The following RAPGEF2 variants were observed in gnomAD, a reference collection of about 807,000 sequenced individuals.
RAPGEF2 encodes the protein Rap guanine nucleotide exchange factor 2.
RAPGEF2 carries 54 observed loss-of-function variants against 186.7 expected under a neutral mutation model. The observed-to-expected ratio is 0.29, with a 90% CI of 0.23 to 0.36. RAPGEF2 has a LOEUF of 0.36. RAPGEF2 is among the 10% of genes least tolerant of loss of function. The pLI is 1.00. For missense variants in RAPGEF2, 1,532 were observed against 2,045.0 expected, an observed-to-expected ratio of 0.75 and a Z score of 4.84; for synonymous variants, 712 against 705.9, an observed-to-expected ratio of 1.01 and a Z score of -0.14.
intron 1 of RAPGEF2, among the ~76,000 whole-genome samples, chr4:159,163,688 G>A (rs1744960670): frequency 6.6e-6 from 1 of 152,128 alleles, no homozygotes. Flanking sequence ...ACTTTTTCTA[G>A]TGTACTGGAA....
At chr4:159,147,861 T>C (rs1743112265) in intron 1 of RAPGEF2, among the ~76,000 whole-genome samples, 3 of 152,224 alleles carry the variant, frequency 2.0e-5, no homozygotes, top group African/African-American at 7.2e-5. Context: ...TTACAGGTAG[T>C]TGAAAGGATT....
intron 29 of RAPGEF2, 125 bp from the exon 30 acceptor site, chr4:159,357,989 G>A: frequency 1.1e-6 from 1 of 923,228 alleles, no homozygotes; most frequent in Non-Finnish European, 1.6e-6. Context: ...AGGATTCTAA[G>A]TGAGCTATAC....
chr4:159,259,049 G>T (rs1756507312), intron 7 of RAPGEF2, among the ~76,000 whole-genome samples: 1 of 152,164 alleles, frequency 6.6e-6, no homozygotes, highest in Non-Finnish European at 1.5e-5. Context: ...CTAGCCCACA[G>T]TTCAGTATTT....
intron 3 of RAPGEF2, among the ~76,000 whole-genome samples, chr4:159,209,536 G>C (rs1045250525): frequency 2.6e-5 from 4 of 152,204 alleles, no homozygotes; most frequent in African/African-American, 9.7e-5. Flanking sequence ...TATGAGACTT[G>C]AATGTAATCT....
chr4:159,296,182 C>G (rs1324214526), intron 7 of RAPGEF2, among the ~76,000 whole-genome samples: 1 of 152,100 alleles, frequency 6.6e-6, no homozygotes, highest in Non-Finnish European at 1.5e-5. Context: ...AATGAAAAAT[C>G]AGCTTCCTGA....
intron 1 of RAPGEF2, among the ~76,000 whole-genome samples, chr4:159,109,775 T>C (rs898950307): frequency 3.7e-4 from 56 of 152,130 alleles, no homozygotes. Flanking sequence ...GGACCTGAAG[T>C]GGTATTCCAG....
At chr4:159,357,053 A>C (rs780624615) in intron 29 of RAPGEF2, among the ~76,000 whole-genome samples, 1 of 152,000 alleles carries the variant, frequency 6.6e-6, no homozygotes, top group Non-Finnish European at 1.5e-5. Flanking sequence ...TGGAAATGAA[A>C]GTCTGATAAA....
chr4:159,295,581 G>A (rs938560758), intron 7 of RAPGEF2, among the ~76,000 whole-genome samples: 4 of 151,978 alleles, frequency 2.6e-5, no homozygotes, highest in African/African-American at 9.7e-5. Flanking sequence ...TACCATTTGA[G>A]GTCTCAGATA....
intron 6 of RAPGEF2, among the ~76,000 whole-genome samples, chr4:159,241,813 T>C (rs925407896): frequency 1.3e-5 from 2 of 152,186 alleles, no homozygotes; most frequent in South Asian, 2.1e-4. Flanking sequence ...AAATGACTGC[T>C]GTCATCCCTG....
At chr4:159,267,114 T>G (rs1757524712) in intron 7 of RAPGEF2, 1 of 1,222,444 alleles carries the variant, frequency 8.2e-7, no homozygotes, top group Admixed American at 2.6e-5. Flanking sequence ...GAAATCCACT[T>G]ACATCACTAG....
intron 8 of RAPGEF2, among the ~76,000 whole-genome samples, chr4:159,314,169 T>G (rs1355252553): frequency 1.3e-5 from 2 of 152,240 alleles, no homozygotes; most frequent in African/African-American, 2.4e-5. Flanking sequence ...GACTGTCTAA[T>G]TGGGGTAAAA....
intron 8 of RAPGEF2, among the ~76,000 whole-genome samples, chr4:159,307,372 T>C (rs932677087): frequency 1.3e-5 from 2 of 152,220 alleles, no homozygotes; most frequent in Admixed American, 1.3e-4. Context: ...TATATACTTT[T>C]CTCAGTTTAC....
rs74818432 is a variant in RAPGEF2 at position 159,125,942 on chromosome 4, A to G, written c.69+21711A>G. On this transcript the variant is annotated intron_variant, in intron 1 of 29. Transcript: ENST00000691494. ...CACTGACCACTCAGAATTTGGCAACAGTATCTTGCCAGTGATGTTAAGTAT... is the reference window on the plus strand; with the variant it reads ...CACTGACCACTCAGAATTTGGCAACGGTATCTTGCCAGTGATGTTAAGTAT... Among the ~76,000 whole-genome samples the G allele has an allele frequency of 1.4e-4, 21 of 152,292 alleles. No individual in the cohort carries two copies. The East Asian group carries it at 4.1e-3, about 29-fold the overall frequency.
At chr4:159,222,766 G>T (rs1199046310) in intron 4 of RAPGEF2, among the ~76,000 whole-genome samples, 1 of 152,102 alleles carries the variant, frequency 6.6e-6, no homozygotes. Flanking sequence ...CTGTATTGGG[G>T]TCGCTAACAG....
chr4:159,209,719 A>G (rs1159462535), intron 3 of RAPGEF2, among the ~76,000 whole-genome samples: 2 of 152,252 alleles, frequency 1.3e-5, no homozygotes, highest in African/African-American at 2.4e-5. Flanking sequence ...GGACAGTTTG[A>G]CAATACCTAA....
intron 4 of RAPGEF2, among the ~76,000 whole-genome samples, chr4:159,235,985 A>T (rs1753213859): frequency 6.6e-6 from 1 of 151,790 alleles, no homozygotes; most frequent in Non-Finnish European, 1.5e-5. Flanking sequence ...CTCATGACCT[A>T]CTCTTTGGCT....
chr4:159,158,786 A>G (rs116126889), intron 1 of RAPGEF2, among the ~76,000 whole-genome samples: 1,596 of 152,302 alleles, frequency 0.01, 35 homozygotes, highest in African/African-American at 0.036. Flanking sequence ...TACTAGCGTT[A>G]TTTGCCAGGT....
chr4:159,299,381 CTAAGA>C (rs1046014029), intron 7 of RAPGEF2, among the ~76,000 whole-genome samples: 1 of 150,782 alleles, frequency 6.6e-6, no homozygotes, highest in Non-Finnish European at 1.5e-5. Flanking sequence ...CTCAGCAGTC[CTAAGA>C]TGATGATGAT....
intron 1 of RAPGEF2, among the ~76,000 whole-genome samples, chr4:159,117,141 G>A (rs986259700): frequency 6.6e-6 from 1 of 152,166 alleles, no homozygotes; most frequent in Admixed American, 6.5e-5. Flanking sequence ...AAACTTGTGA[G>A]TTTAAAAAAC....
Sources: allele counts gnomAD v4.1 joint callset (sites outside exome capture counted in the v4.1 genomes callset), GRCh38; gene constraint gnomAD v4.1.1; transcripts MANE v1.5; gene names NCBI Gene and HGNC (gene_info 2026-07-23, HGNC 2026-07-21).